DACH1: variants seen among roughly 807,000 people sequenced by gnomAD.
DACH1 encodes dachshund homolog 1.
In DACH1, 12 loss-of-function variants were observed where a neutral mutation model predicts 54.2. That is an observed-to-expected ratio of 0.22 (90% CI 0.14 to 0.36). The LOEUF (loss-of-function observed/expected upper bound fraction) is 0.36. DACH1 is among the 10% of genes least tolerant of loss of function. The pLI, the probability that DACH1 is intolerant of heterozygous loss-of-function variation, is 1.00. For missense variants in DACH1, 805 were observed against 929.8 expected, an observed-to-expected ratio of 0.87 and a Z score of 1.75; for synonymous variants, 386 against 366.2, an observed-to-expected ratio of 1.05 and a Z score of -0.62.
intron 3 of DACH1, among the ~76,000 whole-genome samples, chr13:71,593,071 T>G: frequency 6.6e-6 from 1 of 152,048 alleles, no homozygotes; most frequent in Non-Finnish European, 1.5e-5. Context: ...ATAGGAAGAA[T>G]TAGAGAGTTT....
chr13:71,529,032 A>C (rs1272116131), intron 6 of DACH1, among the ~76,000 whole-genome samples: 4 of 152,170 alleles, frequency 2.6e-5, no homozygotes, highest in African/African-American at 9.7e-5. Context: ...AACAGATAAT[A>C]GAAATGTATA....
At chr13:71,835,424 G>C (rs1456354633) in intron 1 of DACH1, among the ~76,000 whole-genome samples, 1 of 152,032 alleles carries the variant, frequency 6.6e-6, no homozygotes, top group Non-Finnish European at 1.5e-5. Context: ...TTATTAAAAT[G>C]AAAATAAAAC....
intron 3 of DACH1, among the ~76,000 whole-genome samples, chr13:71,629,244 T>C (rs1299485002): frequency 6.6e-6 from 1 of 152,100 alleles, no homozygotes; most frequent in East Asian, 1.9e-4. Context: ...TCCAGGAGCA[T>C]TACAAACATG....
intron 2 of DACH1, among the ~76,000 whole-genome samples, chr13:71,662,078 A>G (rs533931932): frequency 6.6e-6 from 1 of 152,174 alleles, no homozygotes; most frequent in East Asian, 1.9e-4. Context: ...AACAACCACA[A>G]ATGGACACAA....
chr13:71,613,744 C>T (rs1285444521), intron 3 of DACH1, among the ~76,000 whole-genome samples: 1 of 152,124 alleles, frequency 6.6e-6, no homozygotes, highest in Non-Finnish European at 1.5e-5. Flanking sequence ...GAGGGTCTCC[C>T]TCTGTCACCC....
At chr13:71,475,281 A>G in intron 9 of DACH1, 72 bp from the exon 10 acceptor site, 1 of 1,243,998 alleles carries the variant, frequency 8.0e-7, no homozygotes, top group Non-Finnish European at 1.2e-6. Context: ...AAAAAGAGCA[A>G]CCTGTTACTT....
intron 1 of DACH1, among the ~76,000 whole-genome samples, chr13:71,765,083 C>T (rs941081402): frequency 6.6e-6 from 1 of 152,160 alleles, no homozygotes; most frequent in African/African-American, 2.4e-5. Context: ...CCCACTGATA[C>T]CAATACAGTC....
chr13:71,484,818 A>T (rs1411377921), intron 7 of DACH1, among the ~76,000 whole-genome samples: 1 of 152,160 alleles, frequency 6.6e-6, no homozygotes, highest in Non-Finnish European at 1.5e-5. Context: ...CTGTAACCCC[A>T]GCACTTTGGG....
intron 3 of DACH1, among the ~76,000 whole-genome samples, chr13:71,590,764 T>C (rs1873642446): frequency 6.6e-6 from 1 of 152,236 alleles, no homozygotes; most frequent in South Asian, 2.1e-4. Flanking sequence ...AAATAACTTT[T>C]AGTTCATCTT....
chr13:71,439,356 T>C lies in DACH1; in HGVS notation c.*1299A>G, dbSNP rs1249942155. 1 of 152,482 alleles carries C rather than the reference T, an allele frequency of 6.6e-6. No individual in the cohort carries two copies. Among genetic ancestry groups the C allele is most frequent in the African/African-American group, 2.4e-5 (1 of 41,438 alleles). The allele number at this position is 152,482 out of a possible 1,614,324, so 9.4% of individuals were successfully genotyped here. ...TCTGCACGAAAGTGAAAACACATACTGTAACTTTCAAAAAGACAGTGAAAA... is the reference window on the plus strand; with the variant it reads ...TCTGCACGAAAGTGAAAACACATACCGTAACTTTCAAAAAGACAGTGAAAA... On this transcript the variant is annotated 3_prime_UTR_variant, in exon 11 of 11. Transcript: ENST00000613252.
At chr13:71,677,667 A>C (rs989410793) in intron 2 of DACH1, among the ~76,000 whole-genome samples, 1 of 152,180 alleles carries the variant, frequency 6.6e-6, no homozygotes, top group Admixed American at 6.6e-5. Context: ...ATTCTTGAAA[A>C]GAAACAATAA....
At chr13:71,859,343 A>G (rs975972623) in intron 1 of DACH1, among the ~76,000 whole-genome samples, 1 of 151,792 alleles carries the variant, frequency 6.6e-6, no homozygotes, top group African/African-American at 2.4e-5. Flanking sequence ...ATAAACCAAT[A>G]CATTTTAAAT....
At chr13:71,531,182 A>G (rs1410197637) in intron 6 of DACH1, among the ~76,000 whole-genome samples, 1 of 152,082 alleles carries the variant, frequency 6.6e-6, no homozygotes, top group Non-Finnish European at 1.5e-5. Context: ...TATTCCTCTA[A>G]CTTTTCGGGA....
At chr13:71,807,419 C>CAA (rs10688170) in intron 1 of DACH1, among the ~76,000 whole-genome samples, 3,422 of 99,340 alleles carry the variant, frequency 0.034, 140 homozygotes, top group Middle Eastern at 0.085. Flanking sequence ...TCACAGATTG[C>CAA]AAAAAAAAAA....
At chr13:71,831,545 A>G (rs1271056470) in intron 1 of DACH1, among the ~76,000 whole-genome samples, 1 of 151,812 alleles carries the variant, frequency 6.6e-6, no homozygotes, top group East Asian at 1.9e-4. Flanking sequence ...TTTCTGTACT[A>G]CTATATACCC....
At chr13:71,452,242 G>A (rs1322657606) in intron 10 of DACH1, among the ~76,000 whole-genome samples, 1 of 151,942 alleles carries the variant, frequency 6.6e-6, no homozygotes, top group African/African-American at 2.4e-5. Context: ...TGATCTTCCT[G>A]TAGGCCTCCC....
At chr13:71,695,853 G>T (rs1881803936) in intron 1 of DACH1, among the ~76,000 whole-genome samples, 1 of 152,132 alleles carries the variant, frequency 6.6e-6, no homozygotes, top group African/African-American at 2.4e-5. Flanking sequence ...GTTGAGTTTG[G>T]CAACTGCAGA....
chr13:71,738,731 C>CAGAAAA (rs1884249487), intron 1 of DACH1, among the ~76,000 whole-genome samples: 1 of 24,064 alleles, frequency 4.2e-5, no homozygotes, highest in Non-Finnish European at 1.2e-4. Flanking sequence ...GACTCTGTCT[C>CAGAAAA]AAAAAAAAAA....
At position 71,735,258 on chromosome 13, in the gene DACH1, T is replaced by TGTATACGGGATATACGC; in HGVS notation, c.849-53349_849-53348insGCGTATATCCCGTATAC. Among the ~76,000 whole-genome samples the TGTATACGGGATATACGC allele has an allele frequency of 4.2e-5, 2 of 47,404 alleles. 1 individual carries two copies. Among genetic ancestry groups the TGTATACGGGATATACGC allele is most frequent in the Non-Finnish European group, 1.9e-4 (2 of 10,686 alleles). The allele number at this position is 47,404 out of a possible 152,430, so 31.1% of individuals were successfully genotyped here. A position where few individuals can be genotyped will look rare whatever the true frequency, so the allele number is the denominator to read the frequency against. On this transcript the variant is annotated intron_variant, in intron 1 of 10. Transcript: ENST00000613252. ...GGGATACACGTATATGGGATATACG[T>TGTATACGGGATATACGC]GTATATGGGATACACGTATGTATAT...
Sources: allele counts gnomAD v4.1 joint callset (sites outside exome capture counted in the v4.1 genomes callset), GRCh38; gene constraint gnomAD v4.1.1; transcripts MANE v1.5; gene names NCBI Gene and HGNC (gene_info 2026-07-23, HGNC 2026-07-21).